Variants in AGBL4 observed in about 807,000 individuals in gnomAD.
AGBL4 encodes the protein cytosolic carboxypeptidase 6.
Under a neutral mutation model 66.4 loss-of-function variants are expected in AGBL4, and 58 were observed. The observed-to-expected ratio is 0.87, with a 90% CI of 0.71 to 1.09. AGBL4 has a LOEUF of 1.09. AGBL4 is among the 50% of genes least tolerant of loss of function. The probability of loss-of-function intolerance (pLI) is 0.00; values close to 1 mark genes in which losing one functional copy is unlikely to be tolerated. For synonymous variants in AGBL4, 234 were observed against 222.9 expected (o/e 1.05, Z -0.44); for missense variants, 579 against 631.0 (o/e 0.92, Z 0.88).
chr1:49,200,865 C>T (rs1482472178), intron 4 of AGBL4, among the ~76,000 whole-genome samples: 2 of 152,178 alleles, frequency 1.3e-5, no homozygotes, highest in Admixed American at 1.3e-4. Context: ...GCTTAACCTT[C>T]AGCCCCTCTC....
At chr1:49,882,009 T>C (rs543783805) in intron 1 of AGBL4, among the ~76,000 whole-genome samples, 22 of 152,290 alleles carry the variant, frequency 1.4e-4, no homozygotes, top group Admixed American at 4.6e-4. Context: ...TCTAGGGTTT[T>C]TATGGTTTTA....
At chr1:49,094,300 T>A (rs1645052653) in intron 4 of AGBL4, among the ~76,000 whole-genome samples, 1 of 152,116 alleles carries the variant, frequency 6.6e-6, no homozygotes, top group Non-Finnish European at 1.5e-5. Flanking sequence ...CAAAAGGCAT[T>A]TTGCAGATGT....
At chr1:48,939,725 G>A (rs920273070) in intron 5 of AGBL4, among the ~76,000 whole-genome samples, 2 of 152,160 alleles carry the variant, frequency 1.3e-5, no homozygotes, top group Admixed American at 1.3e-4. Flanking sequence ...GCAAGTGGGG[G>A]CCCCACTCTG....
chr1:49,342,079 G>A (rs1384895352), intron 3 of AGBL4, among the ~76,000 whole-genome samples: 8 of 152,130 alleles, frequency 5.3e-5, no homozygotes, highest in African/African-American at 1.9e-4. Context: ...AATGGGACAG[G>A]TCATACCCCT....
intron 3 of AGBL4, chr1:49,257,301 C>T (rs889825011): frequency 1.3e-5 from 2 of 152,346 alleles, no homozygotes; most frequent in African/African-American, 4.8e-5. Context: ...AGGCAGGCCT[C>T]CTTGAGCTGT....
intron 3 of AGBL4, among the ~76,000 whole-genome samples, chr1:49,672,940 A>T (rs1407399407): frequency 1.3e-5 from 2 of 150,298 alleles, no homozygotes; most frequent in African/African-American, 4.9e-5. Flanking sequence ...AAAAAAAAAA[A>T]AGAAAAGAAA....
intron 5 of AGBL4, among the ~76,000 whole-genome samples, chr1:48,897,501 G>T (rs1292291272): frequency 6.6e-6 from 1 of 152,110 alleles, no homozygotes; most frequent in Non-Finnish European, 1.5e-5. Flanking sequence ...ATTCAGTAGT[G>T]GAATTGCTAG....
At chr1:49,548,753 C>T (rs1042559617) in intron 3 of AGBL4, among the ~76,000 whole-genome samples, 1 of 151,992 alleles carries the variant, frequency 6.6e-6, no homozygotes, top group African/African-American at 2.4e-5. Flanking sequence ...TGGTTAAGTC[C>T]TTTCCTGGTT....
At chr1:49,588,253 C>T (rs1383545388) in intron 3 of AGBL4, among the ~76,000 whole-genome samples, 2 of 152,110 alleles carry the variant, frequency 1.3e-5, no homozygotes, top group East Asian at 3.9e-4. Context: ...TGCTTTGTGC[C>T]CACACTGTCC....
chr1:49,145,142 A>T (rs1301545854), intron 4 of AGBL4, among the ~76,000 whole-genome samples: 1 of 152,172 alleles, frequency 6.6e-6, no homozygotes, highest in African/African-American at 2.4e-5. Flanking sequence ...TAGATTGAAA[A>T]AGTAAGGGAG....
intron 3 of AGBL4, among the ~76,000 whole-genome samples, chr1:49,385,492 A>G (rs1644717745): frequency 6.6e-6 from 1 of 152,076 alleles, no homozygotes; most frequent in Non-Finnish European, 1.5e-5. Context: ...ATAAAATGAA[A>G]TACATTAAAA....
chr1:49,868,436 C>T (rs1315199272), intron 1 of AGBL4, among the ~76,000 whole-genome samples: 1 of 151,432 alleles, frequency 6.6e-6, no homozygotes, highest in East Asian at 1.9e-4. Context: ...AGGCCAATGG[C>T]ACAGAATAGA....
intron 6 of AGBL4, among the ~76,000 whole-genome samples, chr1:48,856,418 T>C (rs1647154160): frequency 6.6e-6 from 1 of 152,232 alleles, no homozygotes; most frequent in Non-Finnish European, 1.5e-5. Flanking sequence ...AGGAGTAATT[T>C]ATTTTTCTTC....
chr1:49,791,516 A>T (rs1571575294), intron 2 of AGBL4, among the ~76,000 whole-genome samples: 1 of 152,194 alleles, frequency 6.6e-6, no homozygotes, highest in African/African-American at 2.4e-5. Flanking sequence ...ATACACATCA[A>T]ATGAACCACA....
intron 8 of AGBL4, among the ~76,000 whole-genome samples, chr1:48,639,665 C>T (rs1645723678): frequency 6.6e-6 from 1 of 152,320 alleles, no homozygotes; most frequent in Middle Eastern, 3.4e-3. Context: ...TGACCAATAT[C>T]TTAACATTAA....
At chr1:48,780,636 C>A (rs559895033) in intron 6 of AGBL4, among the ~76,000 whole-genome samples, 66 of 152,252 alleles carry the variant, frequency 4.3e-4, no homozygotes, top group African/African-American at 1.5e-3. Context: ...CATCTACAAC[C>A]ATCTGATGTT....
intron 3 of AGBL4, among the ~76,000 whole-genome samples, chr1:49,423,636 C>T (rs754081699): frequency 9.9e-5 from 15 of 151,890 alleles, no homozygotes; most frequent in East Asian, 5.8e-4. Flanking sequence ...AGGATGAAAC[C>T]CCCTCTTTAC....
At chr1:48,571,325 G>C (rs760515262) in intron 11 of AGBL4, among the ~76,000 whole-genome samples, 1 of 152,248 alleles carries the variant, frequency 6.6e-6, no homozygotes, top group Non-Finnish European at 1.5e-5. Flanking sequence ...GCCTTTGCCT[G>C]ACCCTGCACC....
chr1:49,116,293 G>A (rs573338164), intron 4 of AGBL4, among the ~76,000 whole-genome samples: 86 of 152,156 alleles, frequency 5.7e-4, no homozygotes, highest in African/African-American at 2.0e-3. Context: ...ATAGGTATAC[G>A]TGTGCCATGT....
Sources: gnomAD v4.1 joint callset for allele counts (sites outside exome capture counted in the v4.1 genomes callset) on GRCh38, gnomAD v4.1.1 for gene constraint, MANE v1.5 for transcripts, NCBI Gene and HGNC (gene_info 2026-07-23, HGNC 2026-07-21) for gene names.